The following SGCD variants were observed in gnomAD, a reference collection of about 807,000 sequenced individuals.
SGCD encodes sarcoglycan delta.
Under a neutral mutation model 36.6 loss-of-function variants are expected in SGCD, and 18 were observed. The observed-to-expected ratio is 0.49, with a 90% CI of 0.34 to 0.73. The LOEUF is 0.73. Ranked by LOEUF, SGCD falls within the 30% of genes least tolerant of loss-of-function variation. SGCD has a pLI of 0.01. For synonymous variants in SGCD, 133 were observed against 130.6 expected (o/e 1.02, Z -0.12); for missense variants, 387 against 346.7 (o/e 1.12, Z -0.92).
chr5:156,112,486 G>C (rs953007016), intron 1 of SGCD, among the ~76,000 whole-genome samples: 2 of 152,124 alleles, frequency 1.3e-5, no homozygotes, highest in Non-Finnish European at 1.5e-5. Flanking sequence ...TTTTGGGAAG[G>C]CTCAGGATTA....
intron 1 of SGCD, among the ~76,000 whole-genome samples, chr5:155,924,768 T>G (rs537218064): frequency 8.2e-4 from 125 of 152,306 alleles, no homozygotes; most frequent in Admixed American, 2.4e-3. Flanking sequence ...TTTTCATTAT[T>G]TGTTCATTAG....
At chr5:156,336,786 A>T (rs950091493) in intron 2 of SGCD, among the ~76,000 whole-genome samples, 1 of 152,240 alleles carries the variant, frequency 6.6e-6, no homozygotes, top group African/African-American at 2.4e-5. Context: ...GTTTAACTGC[A>T]TGTTCTTTGA....
At chr5:156,295,855 A>G (rs1766878699) in intron 3 of SGCD, among the ~76,000 whole-genome samples, 1 of 152,234 alleles carries the variant, frequency 6.6e-6, no homozygotes, top group South Asian at 2.1e-4. Flanking sequence ...TGGATGTGTC[A>G]GTCAGGTGAC....
intron 1 of SGCD, among the ~76,000 whole-genome samples, chr5:156,093,858 T>C (rs1761309172): frequency 6.6e-6 from 1 of 152,198 alleles, no homozygotes. Context: ...AGGATCCTCT[T>C]TATAAGGTGG....
the SGCD span, among the ~76,000 whole-genome samples, chr5:155,746,227 ATGGTATTGT>A: frequency 6.6e-6 from 1 of 152,170 alleles, no homozygotes; most frequent in Non-Finnish European, 1.5e-5. Context: ...TAAGTAAATT[ATGGTATTGT>A]TACTGAGAAG....
chr5:156,069,205 A>G (rs1379141016), intron 1 of SGCD, among the ~76,000 whole-genome samples: 2 of 152,080 alleles, frequency 1.3e-5, no homozygotes, highest in Admixed American at 1.3e-4. Context: ...GCCCATGCCT[A>G]TGTCCTGAAT....
At chr5:156,552,457 A>T (rs917483822) in intron 4 of SGCD, among the ~76,000 whole-genome samples, 10 of 152,172 alleles carry the variant, frequency 6.6e-5, no homozygotes, top group Non-Finnish European at 1.5e-4. Context: ...GGGATCTAAC[A>T]TTCTGTATGT....
chr5:156,010,408 C>A (rs544912283), intron 1 of SGCD, among the ~76,000 whole-genome samples: 3 of 152,266 alleles, frequency 2.0e-5, no homozygotes, highest in African/African-American at 7.2e-5. Context: ...TTGAGCAGAT[C>A]TTACAACCTG....
chr5:155,840,169 G>A, the SGCD span, among the ~76,000 whole-genome samples: 1 of 151,292 alleles, frequency 6.6e-6, no homozygotes, highest in East Asian at 1.9e-4. Flanking sequence ...TCCAACTTTG[G>A]CTATTGAGAG....
At chr5:155,820,166 C>A in the SGCD span, among the ~76,000 whole-genome samples, 5 of 152,168 alleles carry the variant, frequency 3.3e-5, no homozygotes, top group Admixed American at 1.3e-4. Context: ...CTCAGCTCAA[C>A]TCTTTGAAAG....
chr5:155,899,473 C>G (rs899304027), intron 1 of SGCD, among the ~76,000 whole-genome samples: 2 of 152,176 alleles, frequency 1.3e-5, no homozygotes, highest in Admixed American at 6.5e-5. Flanking sequence ...GCAGAAGCAT[C>G]AGCTGTAACC....
intron 3 of SGCD, among the ~76,000 whole-genome samples, chr5:156,261,309 T>C (rs1765855942): frequency 6.6e-6 from 1 of 152,224 alleles, no homozygotes; most frequent in South Asian, 2.1e-4. Flanking sequence ...CTTATTTTGG[T>C]GTATGTTTTC....
At chr5:155,849,261 A>G in the SGCD span, among the ~76,000 whole-genome samples, 1 of 152,126 alleles carries the variant, frequency 6.6e-6, no homozygotes, top group African/African-American at 2.4e-5. Context: ...CTTTCTCTCT[A>G]TCAGAACATA....
At chr5:156,145,702 C>G (rs1762694139) in intron 3 of SGCD, among the ~76,000 whole-genome samples, 1 of 151,992 alleles carries the variant, frequency 6.6e-6, no homozygotes, top group Non-Finnish European at 1.5e-5. Flanking sequence ...AGGATACACT[C>G]AAGAAGAAAA....
At chr5:155,777,242 ATATAACCACCTTTT>A in the SGCD span, among the ~76,000 whole-genome samples, 3 of 152,148 alleles carry the variant, frequency 2.0e-5, no homozygotes, top group Non-Finnish European at 2.9e-5. Flanking sequence ...TTGGTCCAGT[ATATAACCACCTTTT>A]TCAATTAATA....
At chr5:156,041,587 T>A (rs888414094) in intron 1 of SGCD, among the ~76,000 whole-genome samples, 7 of 152,206 alleles carry the variant, frequency 4.6e-5, no homozygotes, top group Admixed American at 3.9e-4. Flanking sequence ...CAACCATTTA[T>A]TGAGTACCTA....
intron 4 of SGCD, among the ~76,000 whole-genome samples, chr5:156,531,150 C>T (rs6897183): frequency 0.033 from 5,054 of 152,224 alleles, 184 homozygotes; most frequent in African/African-American, 0.088. Context: ...CATTTTTAGC[C>T]TCTCCTGTCT....
chr5:156,256,100 A>G (rs1014456820), intron 3 of SGCD, among the ~76,000 whole-genome samples: 2 of 152,188 alleles, frequency 1.3e-5, no homozygotes, highest in African/African-American at 4.8e-5. Flanking sequence ...TTAAGAGCCT[A>G]TTGTTTTCCC....
At chr5:156,236,323 T>G (rs1489150210) in intron 3 of SGCD, among the ~76,000 whole-genome samples, 1 of 152,214 alleles carries the variant, frequency 6.6e-6, no homozygotes, top group African/African-American at 2.4e-5. Flanking sequence ...TAATTTTAGC[T>G]GTAGTGAGTT....
Sources: allele counts gnomAD v4.1 joint callset (sites outside exome capture counted in the v4.1 genomes callset), GRCh38; gene constraint gnomAD v4.1.1; transcripts MANE v1.5; gene names NCBI Gene and HGNC (gene_info 2026-07-23, HGNC 2026-07-21).